PCDH15: variants seen among roughly 807,000 people sequenced by gnomAD.
The protein encoded by PCDH15 is protocadherin related 15, also known as protocadherin-15.
PCDH15 carries 129 observed loss-of-function variants against 178.5 expected under a neutral mutation model. That is an observed-to-expected ratio of 0.72 (90% CI 0.63 to 0.84). The LOEUF (loss-of-function observed/expected upper bound fraction) is 0.84, where lower values mean the gene tolerates loss of function less well. Among genes scored for constraint, PCDH15 ranks in the 40% least tolerant of loss-of-function variants. The pLI is 0.00. For synonymous variants in PCDH15, 800 were observed against 732.0 expected (o/e 1.09, Z -1.50); for missense variants, 2,230 against 2,099.9 (o/e 1.06, Z -1.21).
At chr10:53,871,921 G>A (rs546979571) in intron 26 of PCDH15, among the ~76,000 whole-genome samples, 36 of 152,004 alleles carry the variant, frequency 2.4e-4, no homozygotes, top group Middle Eastern at 3.4e-3. Flanking sequence ...TGAGGCGGGC[G>A]GATCACCTGA....
chr10:55,067,804 T>C (rs80090920), intron 2 of PCDH15, among the ~76,000 whole-genome samples: 10,237 of 151,932 alleles, frequency 0.067, 459 homozygotes, highest in African/African-American at 0.11. Context: ...AAGATTATAT[T>C]TTATTGTGGT....
intron 3 of PCDH15, among the ~76,000 whole-genome samples, chr10:54,416,164 T>A (rs1323007952): frequency 3.3e-5 from 5 of 152,000 alleles, no homozygotes; most frequent in African/African-American, 1.2e-4. Flanking sequence ...TTAAAATTTT[T>A]ACTTTAAGTT....
At chr10:55,378,713 A>G (rs1474790012) in intron 2 of PCDH15, among the ~76,000 whole-genome samples, 4 of 152,094 alleles carry the variant, frequency 2.6e-5, no homozygotes, top group Non-Finnish European at 5.9e-5. Context: ...GCATCAATGA[A>G]AGAATTATGA....
intron 2 of PCDH15, among the ~76,000 whole-genome samples, chr10:54,910,075 C>T (rs1377993): frequency 0.66 from 99,640 of 151,906 alleles, 33,338 homozygotes; most frequent in East Asian, 0.89. Context: ...CCCATCTGTG[C>T]GAGGGTGGAG....
At chr10:55,045,987 C>A (rs1319746534) in intron 2 of PCDH15, among the ~76,000 whole-genome samples, 2 of 152,040 alleles carry the variant, frequency 1.3e-5, no homozygotes, top group African/African-American at 4.8e-5. Flanking sequence ...CTTTCCCAGA[C>A]ATGCAAGTTT....
intron 2 of PCDH15, among the ~76,000 whole-genome samples, chr10:55,384,959 C>T (rs934728479): frequency 8.6e-5 from 13 of 152,024 alleles, no homozygotes; most frequent in African/African-American, 2.2e-4. Context: ...AGGTATATCA[C>T]GAACATGTCA....
chr10:54,092,875 GGTTT>G (rs1328357114), intron 15 of PCDH15, among the ~76,000 whole-genome samples: 1 of 151,684 alleles, frequency 6.6e-6, no homozygotes, highest in Non-Finnish European at 1.5e-5. Flanking sequence ...ATGTTCTTTT[GGTTT>G]GTTTATTGAT....
At chr10:54,089,620 C>T (rs1281588068) in intron 16 of PCDH15, among the ~76,000 whole-genome samples, 2 of 152,126 alleles carry the variant, frequency 1.3e-5, no homozygotes, top group African/African-American at 4.8e-5. Context: ...GTGTTTGTAA[C>T]ACATCTTGCC....
At chr10:54,818,583 C>A (rs1171513944) in intron 3 of PCDH15, among the ~76,000 whole-genome samples, 2 of 152,030 alleles carry the variant, frequency 1.3e-5, no homozygotes, top group African/African-American at 4.8e-5. Context: ...TATAAGCAGT[C>A]TGACTACTGC....
intron 18 of PCDH15, among the ~76,000 whole-genome samples, chr10:54,057,148 GC>G (rs1043634715): frequency 3.1e-4 from 47 of 152,272 alleles, no homozygotes; most frequent in African/African-American, 9.1e-4. Context: ...GACTTGCCAG[GC>G]CCAAAGTGCA....
intron 21 of PCDH15, among the ~76,000 whole-genome samples, chr10:53,974,551 A>G (rs901251733): frequency 6.6e-6 from 1 of 152,162 alleles, no homozygotes; most frequent in African/African-American, 2.4e-5. Flanking sequence ...TGTGAAATAC[A>G]GCATTTTTTC....
chr10:54,190,336 T>G (rs1397135507), intron 11 of PCDH15, among the ~76,000 whole-genome samples: 1 of 152,208 alleles, frequency 6.6e-6, no homozygotes, highest in Non-Finnish European at 1.5e-5. Flanking sequence ...GGTGGCACAC[T>G]GTCTCTCTCA....
chr10:54,634,168 T>C (rs188926015), intron 2 of PCDH15, among the ~76,000 whole-genome samples: 2 of 148,154 alleles, frequency 1.3e-5, no homozygotes, highest in South Asian at 2.1e-4. Flanking sequence ...ACTTTTTATA[T>C]GGTAAATTAT....
At chr10:54,493,170 T>C (rs554232553) in intron 3 of PCDH15, among the ~76,000 whole-genome samples, 9 of 152,228 alleles carry the variant, frequency 5.9e-5, no homozygotes, top group African/African-American at 2.2e-4. Context: ...CAGTCAACCA[T>C]ATCACACAGT....
intron 25 of PCDH15, chr10:53,905,353 A>G: frequency 2.3e-6 from 1 of 440,972 alleles, no homozygotes; most frequent in South Asian, 1.7e-5. Context: ...TTGTTTTTTG[A>G]GATGGAGTCT....
chr10:54,683,249 A>G (rs1313977713), intron 1 of PCDH15, among the ~76,000 whole-genome samples: 2 of 152,046 alleles, frequency 1.3e-5, no homozygotes, highest in African/African-American at 2.4e-5. Context: ...GGCTTTAAGG[A>G]CATTCACATT....
At chr10:54,017,761 C>A (rs2092788472) in intron 20 of PCDH15, among the ~76,000 whole-genome samples, 1 of 151,512 alleles carries the variant, frequency 6.6e-6, no homozygotes, top group Non-Finnish European at 1.5e-5. Flanking sequence ...ACTTATGTAA[C>A]AAATGTGAAC....
At chr10:54,868,091 T>G (rs150810934) in intron 3 of PCDH15, among the ~76,000 whole-genome samples, 1 of 152,306 alleles carries the variant, frequency 6.6e-6, no homozygotes, top group Admixed American at 6.5e-5. Context: ...TATACAAATT[T>G]TATTTGTCAA....
chr10:55,621,488 G>T (rs1837386438), intron 2 of PCDH15, among the ~76,000 whole-genome samples: 1 of 152,156 alleles, frequency 6.6e-6, no homozygotes, highest in South Asian at 2.1e-4. Context: ...GTGACCTGCG[G>T]GAAAGGTAAT....
Sources: allele counts gnomAD v4.1 joint callset (sites outside exome capture counted in the v4.1 genomes callset), GRCh38; gene constraint gnomAD v4.1.1; transcripts MANE v1.5; gene names NCBI Gene and HGNC (gene_info 2026-07-23, HGNC 2026-07-21).